The following KAZN variants were observed in gnomAD, a reference collection of about 807,000 sequenced individuals.
KAZN encodes the protein kazrin.
Under a neutral mutation model 87.4 loss-of-function variants are expected in KAZN, and 40 were observed. The ratio of observed to expected loss-of-function variants is 0.46; its 90% confidence interval spans 0.36 to 0.60. KAZN has a LOEUF of 0.60. Ranked by LOEUF, KAZN falls within the 20% of genes least tolerant of loss-of-function variation. The probability of loss-of-function intolerance (pLI) is 0.00; values close to 1 mark genes in which losing one functional copy is unlikely to be tolerated. For missense variants in KAZN, 898 were observed against 1,073.9 expected, an observed-to-expected ratio of 0.84 and a Z score of 2.29; for synonymous variants, 466 against 458.3, an observed-to-expected ratio of 1.02 and a Z score of -0.22.
At position 14,131,443 on chromosome 1, in the gene KAZN, G is replaced by C. The variant is rs1051970055; in HGVS notation, c.92-48992G>C. On this transcript the variant is annotated intron_variant, in intron 1 of 16. Transcript: ENST00000636203. The stretch of plus-strand genomic sequence containing the variant: ...AGTTGAAATGGATCTTGGAATTTGT[G>C]TAGTTTGCCTCCTAAGCCCCTAAAA... 2.0e-5 allele frequency among the ~76,000 whole-genome samples: 3 copies of C among 152,260 alleles called. No individual in the cohort carries two copies. The East Asian group carries it at 5.8e-4, about 29-fold the overall frequency.
At chr1:14,169,554 G>A (rs1289121974) in intron 1 of KAZN, among the ~76,000 whole-genome samples, 1 of 152,166 alleles carries the variant, frequency 6.6e-6, no homozygotes, top group Non-Finnish European at 1.5e-5. Context: ...GTGAGAACAG[G>A]CAGGGGCTGA....
intron 2 of KAZN, among the ~76,000 whole-genome samples, chr1:14,339,683 A>G (rs1298945112): frequency 2.0e-5 from 3 of 152,208 alleles, no homozygotes; most frequent in African/African-American, 7.2e-5. Flanking sequence ...AATTAGCCCC[A>G]TTCACATTAA....
chr1:14,055,995 T>C (rs1309186532), intron 1 of KAZN, among the ~76,000 whole-genome samples: 4 of 152,142 alleles, frequency 2.6e-5, no homozygotes, highest in Non-Finnish European at 5.9e-5. Flanking sequence ...CCCCCTCTTA[T>C]CACCACCTTA....
At chr1:14,429,064 T>C (rs1404576664) in intron 2 of KAZN, among the ~76,000 whole-genome samples, 2 of 152,170 alleles carry the variant, frequency 1.3e-5, no homozygotes, top group African/African-American at 4.8e-5. Flanking sequence ...TATTGATCTT[T>C]GGAATTCATA....
chr1:13,929,639 AAAATATGTG>A (rs1480105006), intron 1 of KAZN, among the ~76,000 whole-genome samples: 1 of 152,206 alleles, frequency 6.6e-6, no homozygotes, highest in Non-Finnish European at 1.5e-5. Flanking sequence ...TGAATGAGAT[AAAATATGTG>A]AACTAATTGG....
intron 2 of KAZN, among the ~76,000 whole-genome samples, chr1:14,534,821 G>C (rs1415000091): frequency 6.6e-6 from 1 of 152,014 alleles, no homozygotes; most frequent in African/African-American, 2.4e-5. Flanking sequence ...CAAAATCTCT[G>C]GTTCTATCAG....
chr1:14,960,782 G>A lies in KAZN; in HGVS notation c.325G>A (p.Gly109Ser), dbSNP rs371500792. ...LAKDLEESQG[G>S]KSSEVLSATE... is the part of the protein sequence containing the mutation. Reference sequence around the variant, plus strand: ...GAAGGACCTGGAGGAGTCGCAGGGCGGCAAGTCCTCTGAGGTCCTCTCGGC... The same window carrying A: ...GAAGGACCTGGAGGAGTCGCAGGGCAGCAAGTCCTCTGAGGTCCTCTCGGC... The change falls in exon 2 of 15, where the codon GGC becomes AGC. Residue 109 changes from glycine (G) to serine (S), a missense_variant. Physicochemically the swap from Gly to Ser is moderately conservative, Grantham distance 56. This residue lies in a region of KAZN where 250 missense variants were observed against 263.0 expected (regional missense o/e 0.95). Coordinates refer to ENST00000376030, the MANE Select transcript of KAZN (RefSeq NM_201628.3). 79 of 1,611,240 alleles carry A rather than the reference G, an allele frequency of 4.9e-5. No homozygotes were observed. Among genetic ancestry groups the A allele is most frequent in the Non-Finnish European group, 5.9e-5 (70 of 1,179,040 alleles).
At chr1:14,658,622 G>A (rs1209257480) in intron 1 of KAZN, among the ~76,000 whole-genome samples, 2 of 152,086 alleles carry the variant, frequency 1.3e-5, no homozygotes, top group Admixed American at 6.6e-5. Context: ...ATATATATAT[G>A]ACAACATTTT....
intron 2 of KAZN, among the ~76,000 whole-genome samples, chr1:14,452,304 C>T (rs894116343): frequency 1.3e-5 from 2 of 152,182 alleles, no homozygotes; most frequent in African/African-American, 4.8e-5. Flanking sequence ...CCTTGAAAAG[C>T]ACTCTCTGAA....
intron 1 of KAZN, among the ~76,000 whole-genome samples, chr1:14,173,833 C>T (rs1646009676): frequency 6.6e-6 from 1 of 152,142 alleles, no homozygotes; most frequent in Non-Finnish European, 1.5e-5. Context: ...CACGTGCCCA[C>T]CTCAGGGACT....
At chr1:14,913,994 C>A (rs556698710) in intron 1 of KAZN, among the ~76,000 whole-genome samples, 6 of 152,336 alleles carry the variant, frequency 3.9e-5, no homozygotes, top group Admixed American at 2.0e-4. Flanking sequence ...GAAAACGCGA[C>A]CTTGCCACGC....
chr1:13,992,850 G>A (rs1313906753), intron 1 of KAZN, among the ~76,000 whole-genome samples: 2 of 152,084 alleles, frequency 1.3e-5, no homozygotes, highest in African/African-American at 4.8e-5. Flanking sequence ...TTCAGAATTG[G>A]CCAAATGTGG....
At chr1:14,035,793 G>A (rs1458264900) in intron 1 of KAZN, among the ~76,000 whole-genome samples, 2 of 151,984 alleles carry the variant, frequency 1.3e-5, no homozygotes, top group Non-Finnish European at 2.9e-5. Flanking sequence ...CATTCCTGTA[G>A]GGGTTTTTGG....
intron 1 of KAZN, among the ~76,000 whole-genome samples, chr1:14,858,203 C>CTTTCT (rs1650367076): frequency 1.1e-5 from 1 of 95,104 alleles, no homozygotes; most frequent in African/African-American, 5.3e-5. Flanking sequence ...TTTCTTTTTT[C>CTTTCT]TTTTTCTTTT....
intron 2 of KAZN, among the ~76,000 whole-genome samples, chr1:14,591,026 G>A (rs887348653): frequency 6.6e-6 from 1 of 152,186 alleles, no homozygotes; most frequent in Non-Finnish European, 1.5e-5. Flanking sequence ...CTAGTAGGCT[G>A]TAGAGAGGGT....
chr1:13,964,682 TGG>T (rs1641878655), intron 1 of KAZN, among the ~76,000 whole-genome samples: 2 of 152,190 alleles, frequency 1.3e-5, no homozygotes, highest in Non-Finnish European at 2.9e-5. Context: ...CTCTACTGGG[TGG>T]CATGACATCC....
chr1:14,657,570 G>A (rs965892804), intron 1 of KAZN, among the ~76,000 whole-genome samples: 7 of 152,178 alleles, frequency 4.6e-5, no homozygotes, highest in African/African-American at 1.4e-4. Flanking sequence ...CGCCTTTGCC[G>A]CACTGAGGAC....
intron 1 of KAZN, among the ~76,000 whole-genome samples, chr1:14,615,032 A>T (rs1432796474): frequency 6.6e-6 from 1 of 152,280 alleles, no homozygotes; most frequent in Non-Finnish European, 1.5e-5. Flanking sequence ...TGCAGAGCAC[A>T]GTACTTGGCA....
chr1:14,510,325 C>T (rs1557767002), intron 2 of KAZN, among the ~76,000 whole-genome samples: 1 of 151,634 alleles, frequency 6.6e-6, no homozygotes, highest in Non-Finnish European at 1.5e-5. Flanking sequence ...TTGCAGTGAG[C>T]CGAGATGGCG....
Sources: allele counts gnomAD v4.1 joint callset (sites outside exome capture counted in the v4.1 genomes callset), GRCh38; gene constraint gnomAD v4.1.1; regional missense constraint gnomAD v4.1.1; transcripts MANE v1.5; gene names NCBI Gene and HGNC (gene_info 2026-07-23, HGNC 2026-07-21).